The following RLIG1 variants were observed in gnomAD, a reference collection of about 807,000 sequenced individuals.
RLIG1 encodes the protein RNA ligase 1.
chr12:88,048,117 C>A, the RLIG1 span: 4 of 588,022 alleles, frequency 6.8e-6, no homozygotes, highest in South Asian at 5.9e-5. Flanking sequence ...AAAAAAAAAA[C>A]AGTAAGATAA....
chr12:88,035,706 A>G, the RLIG1 span: 4 of 1,606,826 alleles, frequency 2.5e-6, no homozygotes, highest in African/African-American at 5.3e-5. Flanking sequence ...GACGGAGGTG[A>G]AAGAGGAGCC....
At chr12:88,035,564 G>A in the RLIG1 span, 5 of 1,387,648 alleles carry the variant, frequency 3.6e-6, no homozygotes, top group African/African-American at 2.9e-5. Flanking sequence ...GAGCCGTGCG[G>A]GTGACTGCTT....
the RLIG1 span, chr12:88,043,747 T>C: frequency 7.0e-7 from 1 of 1,428,922 alleles, no homozygotes; most frequent in Non-Finnish European, 9.7e-7. Context: ...TGCAGTTTTG[T>C]GTTTACTAGT....
At chr12:88,048,357 AATCATTTT>A in the RLIG1 span, 1 of 1,598,592 alleles carries the variant, frequency 6.3e-7, no homozygotes, top group Non-Finnish European at 8.5e-7. Context: ...GTGTTTGTTT[AATCATTTT>A]TTAAAAATAG....
the RLIG1 span, chr12:88,035,562 C>T: frequency 1.8e-4 from 247 of 1,365,448 alleles, 1 homozygote; most frequent in Middle Eastern, 4.1e-3. Context: ...CTGAGCCGTG[C>T]GGGTGACTGC....
the RLIG1 span, chr12:88,049,411 C>T: frequency 1.4e-6 from 2 of 1,387,406 alleles, no homozygotes; most frequent in Non-Finnish European, 2.0e-6. Flanking sequence ...TTCTTTATTT[C>T]CTCCTAATGG....
the RLIG1 span, chr12:88,045,364 G>A: frequency 4.1e-6 from 2 of 487,064 alleles, no homozygotes; most frequent in Non-Finnish European, 3.6e-6. Flanking sequence ...GTGCTGTGTA[G>A]TGAATAATAG....
chr12:88,045,278 AT>A, the RLIG1 span: 1 of 216,508 alleles, frequency 4.6e-6, no homozygotes, highest in Non-Finnish European at 9.1e-6. Flanking sequence ...TATATAAAAA[AT>A]TTTGAGTGCT....
the RLIG1 span, chr12:88,044,841 G>C: frequency 6.6e-6 from 1 of 152,236 alleles, no homozygotes; most frequent in Non-Finnish European, 1.5e-5. Context: ...ATTGCAGCTA[G>C]AATGTTCAGG....
chr12:88,043,484 TG>T, the RLIG1 span: 2 of 618,404 alleles, frequency 3.2e-6, no homozygotes, highest in Non-Finnish European at 5.5e-6. Context: ...GGAGAATAAT[TG>T]TATCACACCT....
At chr12:88,045,932 T>C in the RLIG1 span, 1 of 625,990 alleles carries the variant, frequency 1.6e-6, no homozygotes, top group Non-Finnish European at 2.7e-6. Flanking sequence ...TAACTTTACA[T>C]TCACAGAGAA....
the RLIG1 span, chr12:88,042,990 C>T: frequency 3.5e-6 from 3 of 867,588 alleles, no homozygotes; most frequent in Non-Finnish European, 5.1e-6. Context: ...TGTGGTATTT[C>T]TATACATTAT....
chr12:88,049,697 T>C, the RLIG1 span: 2 of 233,052 alleles, frequency 8.6e-6, no homozygotes, highest in African/African-American at 4.6e-5. Context: ...TAAAAGCATA[T>C]AAGAGCTTGT....
chr12:88,043,521 TC>T, the RLIG1 span: 1 of 842,368 alleles, frequency 1.2e-6, no homozygotes, highest in South Asian at 1.7e-5. Flanking sequence ...TAGTAGCTGT[TC>T]CCATTTTGAG....
chr12:88,049,989 TAA>T, the RLIG1 span: 1 of 187,236 alleles, frequency 5.3e-6, no homozygotes, highest in Admixed American at 6.4e-5. Flanking sequence ...TTTACAGTCT[TAA>T]AAGAGGTAAA....
chr12:88,042,179 C>G, the RLIG1 span: 1 of 152,110 alleles, frequency 6.6e-6, no homozygotes, highest in African/African-American at 2.4e-5. Context: ...CAGCTTGGAA[C>G]CAGGGAATGC....
chr12:88,045,781 T>C, the RLIG1 span: 1 of 1,607,084 alleles, frequency 6.2e-7, no homozygotes, highest in Non-Finnish European at 8.5e-7. Context: ...ACCCATATGG[T>C]GAGTGAAGAC....
chr12:88,042,562 C>G, the RLIG1 span: 1 of 237,042 alleles, frequency 4.2e-6, no homozygotes, highest in Non-Finnish European at 8.1e-6. Context: ...ATGCTGCTAA[C>G]TCATACAATA....
the RLIG1 span, chr12:88,035,615 A>G: frequency 2.5e-6 from 4 of 1,572,638 alleles, no homozygotes; most frequent in African/African-American, 4.1e-5. Context: ...GCTCGAAAGC[A>G]CGCCCTCCAT....
Sources: gnomAD v4.1 joint callset for allele counts on GRCh38, gnomAD v4.1.1 for gene constraint, MANE v1.5 for transcripts, NCBI Gene and HGNC (gene_info 2026-07-23, HGNC 2026-07-21) for gene names.